Variants in BICD1 observed in about 807,000 individuals in gnomAD.
BICD1 encodes the protein protein bicaudal D homolog 1.
In BICD1, 35 loss-of-function variants were observed where a neutral mutation model predicts 92.5. That is an observed-to-expected ratio of 0.38 (90% CI 0.29 to 0.50). The LOEUF is 0.50. BICD1 is among the 20% of genes least tolerant of loss of function. The pLI is 0.93. For missense variants in BICD1, 950 were observed against 1,189.8 expected, an observed-to-expected ratio of 0.80 and a Z score of 2.97; for synonymous variants, 429 against 465.1, an observed-to-expected ratio of 0.92 and a Z score of 1.00.
chr12:32,135,104 T>A (rs1380863667), intron 1 of BICD1, among the ~76,000 whole-genome samples: 2 of 125,768 alleles, frequency 1.6e-5, no homozygotes, highest in African/African-American at 2.9e-5. Context: ...TTTTTTTTTT[T>A]ATGAGACGGA....
intron 2 of BICD1, among the ~76,000 whole-genome samples, chr12:32,268,095 GCCTAT>G (rs1262181244): frequency 6.6e-6 from 1 of 152,106 alleles, no homozygotes; most frequent in Non-Finnish European, 1.5e-5. Context: ...ACTGCACCCA[GCCTAT>G]CCTATTTATT....
chr12:32,222,043 T>G lies in BICD1; in HGVS notation c.426+5584T>G, dbSNP rs181352945. On this transcript the variant is annotated intron_variant, in intron 2 of 9. Transcript: ENST00000652176. The stretch of plus-strand genomic sequence containing the variant: ...TAAACTAAACTAAAATCCACATTAA[T>G]GAAATCATAAAATAGGATAATGAAA... 6.4e-3 allele frequency among the ~76,000 whole-genome samples: 980 copies of G among 152,342 alleles called. 13 individuals are homozygous for G. Among genetic ancestry groups the G allele is most frequent in the African/African-American group, 0.022 (924 of 41,586 alleles).
rs1940103617 is a variant in BICD1, at chr12:32,379,349, C to T, written c.*1722C>T. 2 of 152,158 alleles carry T rather than the reference C, an allele frequency of 1.3e-5. No homozygotes were observed. Among genetic ancestry groups the T allele is most frequent in the Non-Finnish European group, 2.9e-5 (2 of 68,044 alleles). 9.4% of individuals were successfully genotyped at this position (152,158 alleles called of 1,614,324 possible). A position where few individuals can be genotyped will look rare whatever the true frequency, so the allele number is the denominator to read the frequency against. On this transcript the variant is annotated 3_prime_UTR_variant, in exon 10 of 10. Transcript: ENST00000652176. Reference sequence around the variant, plus strand: ...GTCGCTATTACCAAAGCAACCAGGACGTTTTGTGTTCTTTATATGAGTGCT... The same window carrying T: ...GTCGCTATTACCAAAGCAACCAGGATGTTTTGTGTTCTTTATATGAGTGCT...
At chr12:32,372,459 C>CAACAGAGTG (rs1371015125) in intron 9 of BICD1, among the ~76,000 whole-genome samples, 1 of 152,136 alleles carries the variant, frequency 6.6e-6, no homozygotes, top group African/African-American at 2.4e-5. Context: ...CCAGCTTGGG[C>CAACAGAGTG]AACAGAGTGA....
chr12:32,334,946 A>AC (rs2136275911), intron 6 of BICD1, among the ~76,000 whole-genome samples: 1 of 152,244 alleles, frequency 6.6e-6, no homozygotes, highest in East Asian at 1.9e-4. Context: ...GAATTTATGC[A>AC]CCCCAAAGAG....
chr12:32,237,350 G>C (rs116248044), intron 2 of BICD1, among the ~76,000 whole-genome samples: 2,660 of 152,324 alleles, frequency 0.017, 73 homozygotes, highest in African/African-American at 0.061. Flanking sequence ...AGTGCTGATA[G>C]AGAAGCTGCA....
At chr12:32,376,191 C>A (rs1174184894) in intron 9 of BICD1, among the ~76,000 whole-genome samples, 1 of 150,630 alleles carries the variant, frequency 6.6e-6, no homozygotes, top group East Asian at 2.0e-4. Context: ...TCAAGTGATT[C>A]TCCTGCCTCA....
chr12:32,189,798 A>G (rs1944515581), intron 1 of BICD1, among the ~76,000 whole-genome samples: 2 of 151,176 alleles, frequency 1.3e-5, no homozygotes, highest in Non-Finnish European at 2.9e-5. Flanking sequence ...TCCCGGGTTC[A>G]AGAGATTCTC....
At chr12:32,309,813 G>A (rs1358324325) in intron 4 of BICD1, among the ~76,000 whole-genome samples, 2 of 152,028 alleles carry the variant, frequency 1.3e-5, no homozygotes, top group African/African-American at 2.4e-5. Flanking sequence ...AAGTTCTAGG[G>A]TACATGTGCA....
intron 2 of BICD1, among the ~76,000 whole-genome samples, chr12:32,254,416 A>G (rs1946663900): frequency 1.3e-5 from 2 of 152,382 alleles, no homozygotes; most frequent in South Asian, 4.1e-4. Flanking sequence ...AAGCTTCCAG[A>G]GTAGGCTCTA....
intron 2 of BICD1, among the ~76,000 whole-genome samples, chr12:32,248,710 G>A (rs1229072725): frequency 6.6e-6 from 1 of 152,122 alleles, no homozygotes; most frequent in Non-Finnish European, 1.5e-5. Context: ...CTAGGTTCAG[G>A]TTCTTGTCTC....
chr12:32,159,451 A>C (rs1237154269), intron 1 of BICD1, among the ~76,000 whole-genome samples: 1 of 152,160 alleles, frequency 6.6e-6, no homozygotes, highest in African/African-American at 2.4e-5. Context: ...ACAATAACAC[A>C]CTGCACATCC....
intron 2 of BICD1, among the ~76,000 whole-genome samples, chr12:32,276,259 C>T (rs1947274435): frequency 6.6e-6 from 1 of 152,090 alleles, no homozygotes; most frequent in Non-Finnish European, 1.5e-5. Flanking sequence ...CTACACAACA[C>T]CTACTATGCC....
chr12:32,301,666 C>T (rs1948050507), intron 3 of BICD1, among the ~76,000 whole-genome samples: 1 of 151,368 alleles, frequency 6.6e-6, no homozygotes, highest in Non-Finnish European at 1.5e-5. Context: ...TCCCAGCTAC[C>T]CAGGAGGCTG....
At chr12:32,118,420 G>T (rs1036209125) in intron 1 of BICD1, among the ~76,000 whole-genome samples, 19 of 152,042 alleles carry the variant, frequency 1.2e-4, no homozygotes, top group African/African-American at 4.1e-4. Context: ...AACTAGTCAG[G>T]CCCCAGAATC....
chr12:32,301,738 G>A (rs1412306521), intron 3 of BICD1, among the ~76,000 whole-genome samples: 1 of 151,972 alleles, frequency 6.6e-6, no homozygotes, highest in Admixed American at 6.6e-5. Flanking sequence ...TCAAGCCACT[G>A]TACTCTAGCC....
At chr12:32,293,402 C>T (rs1192452522) in intron 2 of BICD1, among the ~76,000 whole-genome samples, 1 of 152,076 alleles carries the variant, frequency 6.6e-6, no homozygotes, top group African/African-American at 2.4e-5. Flanking sequence ...ACTGCAACCT[C>T]CGCATCCCAG....
At chr12:32,355,749 C>T (rs551528949) in intron 8 of BICD1, among the ~76,000 whole-genome samples, 3 of 151,874 alleles carry the variant, frequency 2.0e-5, no homozygotes, top group East Asian at 3.9e-4. Flanking sequence ...TTGCAGTGAG[C>T]CGAGATGGAG....
At chr12:32,175,238 G>A (rs778216365) in intron 1 of BICD1, among the ~76,000 whole-genome samples, 43 of 148,078 alleles carry the variant, frequency 2.9e-4, no homozygotes, top group Non-Finnish European at 5.3e-4. Context: ...ATCTGAAAAA[G>A]CGTTTGAGAG....
Sources: gnomAD v4.1 joint callset for allele counts (sites outside exome capture counted in the v4.1 genomes callset) on GRCh38, gnomAD v4.1.1 for gene constraint, MANE v1.5 for transcripts, NCBI Gene and HGNC (gene_info 2026-07-23, HGNC 2026-07-21) for gene names.